Variants in SLC12A3 observed in about 807,000 individuals in gnomAD.
The protein encoded by SLC12A3 is solute carrier family 12 member 3.
In SLC12A3, 104 loss-of-function variants were observed where a neutral mutation model predicts 121.0. The ratio of observed to expected loss-of-function variants is 0.86; its 90% CI spans 0.73 to 1.01. The LOEUF (loss-of-function observed/expected upper bound fraction) is 1.01, where lower values mean the gene tolerates loss of function less well. SLC12A3 is among the 50% of genes least tolerant of loss of function. The pLI, the probability that SLC12A3 is intolerant of heterozygous loss-of-function variation, is 0.00. For synonymous variants in SLC12A3, 536 were observed against 533.4 expected (o/e 1.00, Z -0.07); for missense variants, 1,328 against 1,356.3 (o/e 0.98, Z 0.33).
chr16:56,913,949 G>A lies in SLC12A3; in HGVS notation c.*544G>A, dbSNP rs1444498562. The A allele has an allele frequency of 6.5e-6, 1 of 153,074 alleles. No individual in the cohort carries two copies. Among genetic ancestry groups the A allele is most frequent in the Admixed American group, 6.5e-5 (1 of 15,384 alleles). 9.5% of individuals were successfully genotyped at this position (153,074 alleles called of 1,614,324 possible). A position where few individuals can be genotyped will look rare whatever the true frequency, so the allele number is the denominator to read the frequency against. ...TTTTTTAGATGAAGTTTTTTCTCTT[G>A]TTGCCCAGGCTAGGGTGTAATGGCA... On this transcript the variant is annotated 3_prime_UTR_variant, in exon 26 of 26. Transcript: ENST00000563236.
rs898839471 is a variant in SLC12A3 at position 56,870,741 on chromosome 16, G to T, written c.852+5G>T. On this transcript the variant is annotated splice_donor_5th_base_variant and intron_variant, in intron 6 of 25. Coordinates refer to ENST00000563236, the MANE Select transcript of SLC12A3 (RefSeq NM_001126108.2). The stretch of plus-strand genomic sequence containing the variant: ...GGCATGGAGTGGGAGTCCAAGGTGA[G>T]GAGGCCATGGAGGAGGGGGACATGG... The T allele has an allele frequency of 1.3e-6, 2 of 1,580,536 alleles. No homozygotes were observed. The highest frequency in any genetic ancestry group is 1.7e-6 in the Non-Finnish European group (2 of 1,149,854).
At position 56,882,443 on chromosome 16, in the gene SLC12A3, T is replaced by G. The variant is rs1367015712; in HGVS notation, c.1615T>G (p.Ser539Ala). ...CATCATTTCCAACTTCTTCCTCTGC[T>G]CCTATGCCCTCATCAACTTCAGCTG... ...APIISNFFLC[S>A]YALINFSCFH... is the part of the protein sequence containing the mutation. The change falls in exon 13 of 26, where the codon TCC becomes GCC. Residue 539 changes from serine to alanine, a missense_variant. Transcript: ENST00000563236. 6.2e-7 allele frequency: 1 copy of G among 1,614,064 alleles called. No individual in the cohort carries two copies. Among genetic ancestry groups the G allele is most frequent in the Admixed American group, 1.7e-5 (1 of 60,004 alleles).
At position 56,865,396 on chromosome 16, in the gene SLC12A3, G is replaced by T. The variant is rs373163077; in HGVS notation, c.161G>T (p.Arg54Leu). The T allele has an allele frequency of 1.2e-6, 2 of 1,614,084 alleles. No individual in the cohort carries two copies. The highest frequency in any genetic ancestry group is 1.3e-5 in the African/African-American group (1 of 74,938). Residue 54 changes from arginine (R) to leucine (L), a missense_variant, in exon 1 of 26, where the codon CGC becomes CTC. Coordinates refer to ENST00000563236, the MANE Select transcript of SLC12A3 (RefSeq NM_001126108.2). Reference protein sequence around the residue: ...HLTHSSTFCMRTFGYNTIDVV... With the variant: ...HLTHSSTFCMLTFGYNTIDVV... ...ACCCACAGCAGCACCTTCTGCATGC[G>T]CACCTTTGGCTACAACACGATCGAT...
intron 22 of SLC12A3, among the ~76,000 whole-genome samples, chr16:56,898,348 T>C (rs914034111): frequency 3.3e-5 from 5 of 152,102 alleles, no homozygotes; most frequent in African/African-American, 1.2e-4. Context: ...AAGCTCCACC[T>C]CCCAGGTTCA....
chr16:56,887,924 G>C lies in SLC12A3; in HGVS notation c.2179-1G>C. The C allele has an allele frequency of 1.2e-6, 2 of 1,610,608 alleles. No individual in the cohort carries two copies. The highest frequency in any genetic ancestry group is 1.7e-6 in the Non-Finnish European group (2 of 1,178,202). ...CCCATCTCACCCCTATCCCCTGGCA[G>C]GCCGCAGGTCTCGGGAGAATGAAGC... is the stretch of plus-strand genomic sequence containing the variant. On this transcript the variant is annotated splice_acceptor_variant, in intron 17 of 25. Transcript: ENST00000563236. LOFTEE classifies it high-confidence loss of function.
rs139319752 is a variant in SLC12A3, at chr16:56,883,237, T to C, written c.1669+740T>C. On this transcript the variant is annotated intron_variant, in intron 13 of 25. Coordinates refer to ENST00000563236, the MANE Select transcript of SLC12A3 (RefSeq NM_001126108.2). ...TTGCATGTTTATGATGGAAAACTTC[T>C]GGCAGATGGCAATAAAGAGGCTTGA... Among the ~76,000 whole-genome samples, 296 of 151,772 alleles carry C rather than the reference T, an allele frequency of 2.0e-3. 1 individual carries two copies. The highest frequency in any genetic ancestry group is 7.0e-3 in the African/African-American group (292 of 41,442).
In SLC12A3 at chr16:56,902,633, G is replaced by A. The variant is rs2055554552; in HGVS notation, c.2856+125G>A. ...CACCCTGCCTTCCACTCCGGCCCCTGAGGTATCCTCAAGCCACAGTCGTTC... is the reference window on the plus strand; with the variant it reads ...CACCCTGCCTTCCACTCCGGCCCCTAAGGTATCCTCAAGCCACAGTCGTTC... On this transcript the variant is annotated intron_variant, in intron 24 of 25. Transcript: ENST00000563236. The A allele has an allele frequency of 1.2e-5, 15 of 1,207,372 alleles. No individual in the cohort carries two copies. The South Asian group carries it at 1.6e-4, about 12-fold the overall frequency. 74.8% of individuals were successfully genotyped at this position (1,207,372 alleles called of 1,614,324 possible).
rs1464129225 is a variant in SLC12A3 at position 56,902,435 on chromosome 16, C to T, written c.2783C>T (p.Ala928Val). The change falls in exon 24 of 26, where the codon GCC becomes GTC. Residue 928 changes from alanine (A) to valine (V), a missense_variant. Physicochemically the swap from Ala to Val is moderately conservative, Grantham distance 64 (BLOSUM62 0). Transcript: ENST00000563236. ...FRLNDGFKDE[A>V]TVNEMRRDCP... is the part of the protein sequence containing the mutation. ...CTGAATGATGGCTTCAAGGATGAGGCCACTGTCAACGAGATGCGGCGGGAC... is the reference window on the plus strand; with the variant it reads ...CTGAATGATGGCTTCAAGGATGAGGTCACTGTCAACGAGATGCGGCGGGAC... 5 of 1,613,482 alleles carry T rather than the reference C, an allele frequency of 3.1e-6. No individual in the cohort carries two copies. The highest frequency in any genetic ancestry group is 4.2e-6 in the Non-Finnish European group (5 of 1,179,856).
At chr16:56,879,264 G>C in intron 10 of SLC12A3, 37 bp downstream of exon 10, 1 of 1,612,924 alleles carries the variant, frequency 6.2e-7, no homozygotes, top group Non-Finnish European at 8.5e-7. Context: ...GACACAGTGG[G>C]GGCTGGGTGG....
intron 22 of SLC12A3, among the ~76,000 whole-genome samples, chr16:56,895,573 C>A (rs142451710): frequency 2.0e-5 from 3 of 151,430 alleles, no homozygotes; most frequent in African/African-American, 7.3e-5. Flanking sequence ...GAAATGAAGG[C>A]TGGAGAACAC....
intron 10 of SLC12A3, 127 bp from the exon 11 acceptor site, chr16:56,879,415 G>A (rs1375061798): frequency 1.9e-6 from 2 of 1,051,674 alleles, no homozygotes; most frequent in African/African-American, 1.6e-5. Flanking sequence ...GATCTCCAGG[G>A]GTGGGTTGTG....
chr16:56,901,347 C>CTTTTTTTTT (rs113592874), intron 23 of SLC12A3, among the ~76,000 whole-genome samples: 1,586 of 128,750 alleles, frequency 0.012, 78 homozygotes, highest in African/African-American at 0.04. Context: ...CTCTCTCTCT[C>CTTTTTTTTT]TTTTTTTTTT....
chr16:56,868,459 CA>C (rs1964413181), intron 3 of SLC12A3, 87 bp downstream of exon 3: 1 of 1,338,496 alleles, frequency 7.5e-7, no homozygotes, highest in Non-Finnish European at 1.0e-6. Context: ...TCCCAGACCC[CA>C]AGGTTGCAGG....
intron 23 of SLC12A3, among the ~76,000 whole-genome samples, chr16:56,900,675 A>G (rs1195749006): frequency 6.6e-6 from 1 of 152,028 alleles, no homozygotes; most frequent in African/African-American, 2.4e-5. Context: ...GGATTACAGG[A>G]GCACACCACT....
Position 56,865,431 on chromosome 16 carries a change from A to T in SLC12A3, c.196A>T (p.Thr66Ser). 6.2e-7 allele frequency: 1 copy of T among 1,614,210 alleles called. No homozygotes were observed. Among genetic ancestry groups the T allele is most frequent in the African/African-American group, 1.3e-5 (1 of 75,078 alleles). ...CTACAACACGATCGATGTGGTGCCCACATATGAGCACTATGCCAACAGCAC... is the reference window on the plus strand; with the variant it reads ...CTACAACACGATCGATGTGGTGCCCTCATATGAGCACTATGCCAACAGCAC... ...FGYNTIDVVP[T>S]YEHYANSTQP... The change falls in exon 1 of 26, where the codon ACA becomes TCA. Residue 66 changes from threonine (T) to serine (S), a missense_variant. Thr to Ser is a moderately conservative substitution (Grantham distance 58). Transcript: ENST00000563236.
chr16:56,872,585 G>T, intron 7 of SLC12A3, 71 bp from the exon 8 acceptor site: 1 of 1,611,186 alleles, frequency 6.2e-7, no homozygotes, highest in South Asian at 1.1e-5. Flanking sequence ...GGGGCTGCCT[G>T]CCCAGTGGGT....
chr16:56,891,399 T>TATCTAGAG (rs2055387158), intron 19 of SLC12A3, among the ~76,000 whole-genome samples: 1 of 111,980 alleles, frequency 8.9e-6, no homozygotes, highest in Non-Finnish European at 1.8e-5. Context: ...AAAAAGGAAA[T>TATCTAGAG]ATCTAGAGGT....
chr16:56,887,787 T>C, intron 17 of SLC12A3, 138 bp from the exon 18 acceptor site: 2 of 103,668 alleles, frequency 1.9e-5, no homozygotes, highest in East Asian at 4.6e-4. Flanking sequence ...TATATATATA[T>C]ATATATATAT....
Position 56,870,661 on chromosome 16 carries a change from C to T in SLC12A3, c.777C>T (p.Asp259=), listed in dbSNP as rs1379310950. Residue 259 remains aspartate (D), a synonymous_variant, in exon 6 of 26, where the codon GAC becomes GAT. Transcript: ENST00000563236. ...CACCCATCGTGGACCCCATTAACGA[C>T]ATCCGCATCATTGCCGTGGTCTCGG... ...YGAPIVDPIN[D]IRIIAVVSVT... The T allele has an allele frequency of 6.2e-7, 1 of 1,613,556 alleles. No individual in the cohort carries two copies. Among genetic ancestry groups the T allele is most frequent in the African/African-American group, 1.3e-5 (1 of 74,890 alleles).
Sources: gnomAD v4.1 joint callset for allele counts (sites outside exome capture counted in the v4.1 genomes callset) on GRCh38, gnomAD v4.1.1 for gene constraint, MANE v1.5 for transcripts, NCBI Gene and HGNC (gene_info 2026-07-23, HGNC 2026-07-21) for gene names.